The following KIR3DL1 variants were observed in gnomAD, a reference collection of about 807,000 sequenced individuals.
KIR3DL1 encodes killer cell immunoglobulin like receptor, three Ig domains and long cytoplasmic tail 1.
KIR3DL1 carries 50 observed loss-of-function variants against 40.3 expected under a neutral mutation model. The observed-to-expected ratio is 1.24, with a 90% CI of 0.99 to 1.57. The LOEUF is 1.57. Among genes scored for constraint, KIR3DL1 ranks in the 40% most tolerant of loss-of-function variants. The pLI, the probability that KIR3DL1 is intolerant of heterozygous loss-of-function variation, is 0.00. For synonymous variants in KIR3DL1, 257 were observed against 207.2 expected, an observed-to-expected ratio of 1.24 and a Z score of -2.07; for missense variants, 661 against 559.9, an observed-to-expected ratio of 1.18 and a Z score of -1.82.
exon 9 of KIR3DL1, chr19:54,830,454 T>C: frequency 1.3e-6 from 1 of 782,248 alleles, no homozygotes; most frequent in Non-Finnish European, 2.0e-6. Flanking sequence ...AATGTCTAGG[T>C]CCCCACTGCC....
intron 6 of KIR3DL1, among the ~76,000 whole-genome samples, chr19:54,827,757 C>G (rs1392381539): frequency 1.3e-5 from 2 of 150,838 alleles, no homozygotes; most frequent in Admixed American, 1.3e-4. Flanking sequence ...CAGCCTAAAA[C>G]CTCTTCCGTA....
chr19:54,817,103 C>T (rs1158451313), intron 1 of KIR3DL1, among the ~76,000 whole-genome samples: 3 of 128,912 alleles, frequency 2.3e-5, no homozygotes, highest in Non-Finnish European at 4.9e-5. Flanking sequence ...AGCAGACATA[C>T]AAGCCTGGAA....
Position 54,821,532 on chromosome 19 carries a change from C to T in KIR3DL1, c.656-33C>T, listed in dbSNP as rs111572937. 4,049 of 1,588,738 alleles carry T rather than the reference C, an allele frequency of 2.5e-3. 232 individuals are homozygous for T. The African/African-American group carries it at 0.049, about 19-fold the overall frequency. On this transcript the variant is annotated intron_variant, in intron 4 of 8. Coordinates refer to ENST00000391728, the Ensembl canonical transcript of KIR3DL1. ...TGAGGGGAGCTATGACAAGGAAGAA[C>T]CTCCCTGAGGAAACTGCCTCTTCTC...
Position 54,830,146 on chromosome 19 carries a change from T to C in KIR3DL1, c.1206T>C (p.Asp402=). Residue 402 remains aspartate (D), a synonymous_variant, in exon 9 of 9, where the codon GAT becomes GAC. Coordinates refer to ENST00000391728, the Ensembl canonical transcript of KIR3DL1. ...AGGAGGTGACATACGCACAGTTGGA[T>C]CACTGCGTTTTCACACAGAGAAAAA... 25 of 1,523,650 alleles carry C rather than the reference T, an allele frequency of 1.6e-5. 6 individuals are homozygous for C. The highest frequency in any genetic ancestry group is 2.2e-5 in the Non-Finnish European group (25 of 1,122,480). The allele number at this position is 1,523,650 out of a possible 1,614,324, so 94.4% of individuals were successfully genotyped here. A position where few individuals can be genotyped will look rare whatever the true frequency, so the allele number is the denominator to read the frequency against.
chr19:54,821,560 T>C lies in KIR3DL1; in HGVS notation c.656-5T>C. On this transcript the variant is annotated splice_region_variant and splice_polypyrimidine_tract_variant and intron_variant, in intron 4 of 8. Coordinates refer to ENST00000391728, the Ensembl canonical transcript of KIR3DL1. ...CCCTGAGGAAACTGCCTCTTCTCCT[T>C]CCAGGTCCATATGAGAAACCTTCTC... 1.2e-6 allele frequency: 2 copies of C among 1,603,674 alleles called. No individual in the cohort carries two copies. The highest frequency in any genetic ancestry group is 3.4e-5 in the Admixed American group (2 of 59,148).
chr19:54,817,459 G>A (rs367940157), intron 1 of KIR3DL1, 75 bp from the exon 2 acceptor site: 64 of 1,236,942 alleles, frequency 5.2e-5, no homozygotes, highest in Middle Eastern at 1.9e-4. Context: ...CTGCCAAGAC[G>A]CACAGCCCAG....
intron 5 of KIR3DL1, among the ~76,000 whole-genome samples, chr19:54,822,674 C>A (rs2061697509): frequency 6.6e-6 from 1 of 150,988 alleles, no homozygotes; most frequent in African/African-American, 2.5e-5. Flanking sequence ...ACCCTCCACC[C>A]TTCCCTTCCT....
exon 3 of KIR3DL1, chr19:54,818,380 A>T: frequency 6.2e-7 from 1 of 1,605,060 alleles, no homozygotes; most frequent in Non-Finnish European, 8.5e-7. Flanking sequence ...AGGACACGTG[A>T]CTCTTCGGTG....
Position 54,828,697 on chromosome 19 carries a change from A to G in KIR3DL1, c.1001-664A>G, listed in dbSNP as rs2062036937. ...GGAAGACAGCCCAGGCTGTTCTGGG[A>G]CAATCCTCCTGATCTCAGGACTTTG... On this transcript the variant is annotated intron_variant, in intron 6 of 8. Coordinates refer to ENST00000391728, the Ensembl canonical transcript of KIR3DL1. 2.7e-5 allele frequency among the ~76,000 whole-genome samples: 4 copies of G among 149,244 alleles called. No individual in the cohort carries two copies. In the Middle Eastern group the frequency reaches 0.01, roughly 383 times the overall value.
chr19:54,826,283 G>A (rs1395570253), intron 6 of KIR3DL1, among the ~76,000 whole-genome samples: 2 of 149,918 alleles, frequency 1.3e-5, no homozygotes, highest in African/African-American at 5.0e-5. Context: ...TGATCCATTG[G>A]GAAGCATCTG....
At chr19:54,829,760 T>C (rs1431142448) in intron 7 of KIR3DL1, among the ~76,000 whole-genome samples, 168 bp from the exon 8 acceptor site, 2 of 141,366 alleles carry the variant, frequency 1.4e-5, no homozygotes, top group Non-Finnish European at 3.1e-5. Context: ...CTCAGAGCTA[T>C]TCATGGGATG....
exon 2 of KIR3DL1, chr19:54,817,560 C>A (rs748516707): frequency 2.0e-6 from 3 of 1,512,158 alleles, no homozygotes; most frequent in Non-Finnish European, 1.8e-6. Flanking sequence ...GAGGGCCGGT[C>A]CACACATGGG....
At chr19:54,819,416 C>G (rs1021300750) in intron 3 of KIR3DL1, among the ~76,000 whole-genome samples, 8 of 150,834 alleles carry the variant, frequency 5.3e-5, no homozygotes, top group African/African-American at 1.7e-4. Context: ...TGTCCTCTTC[C>G]ACCCCCACAT....
chr19:54,823,498 T>C (rs972249342), intron 5 of KIR3DL1, among the ~76,000 whole-genome samples: 2 of 151,302 alleles, frequency 1.3e-5, no homozygotes, highest in African/African-American at 4.9e-5. Context: ...CTTTATTTTA[T>C]TTATTTATTT....
At chr19:54,827,871 A>G (rs531751386) in intron 6 of KIR3DL1, among the ~76,000 whole-genome samples, 7 of 150,466 alleles carry the variant, frequency 4.7e-5, no homozygotes, top group Admixed American at 1.3e-4. Flanking sequence ...ATCACAAAAA[A>G]AACTTGCCCC....
At chr19:54,827,729 T>C (rs1601421881) in intron 6 of KIR3DL1, among the ~76,000 whole-genome samples, 3 of 150,858 alleles carry the variant, frequency 2.0e-5, no homozygotes, top group Admixed American at 2.0e-4. Context: ...TGATCCTTTA[T>C]CTTATCCATT....
At chr19:54,825,145 T>C (rs62124130) in intron 6 of KIR3DL1, 67 bp downstream of exon 6, 256,359 of 1,042,358 alleles carry the variant, frequency 0.25, 37,510 homozygotes, top group South Asian at 0.33. Flanking sequence ...TGGATGCAAG[T>C]GTTGGCTCAA....
chr19:54,829,261 A>G (rs561568349), intron 6 of KIR3DL1, 100 bp from the exon 7 acceptor site: 3 of 1,024,146 alleles, frequency 2.9e-6, no homozygotes, highest in Non-Finnish European at 4.3e-6. Context: ...TGTCCGAAAG[A>G]GATGCTGTAA....
intron 2 of KIR3DL1, 118 bp downstream of exon 2, chr19:54,817,687 G>A (rs1202642181): frequency 1.3e-5 from 11 of 815,690 alleles, no homozygotes; most frequent in Non-Finnish European, 2.1e-5. Context: ...ACCCTCGGAT[G>A]CTCGGCCCAC....
Sources: gnomAD v4.1 joint callset for allele counts (sites outside exome capture counted in the v4.1 genomes callset) on GRCh38, gnomAD v4.1.1 for gene constraint, MANE v1.5 for transcripts, NCBI Gene and HGNC (gene_info 2026-07-23, HGNC 2026-07-21) for gene names.